The following C20orf141 variants were observed in gnomAD, a reference collection of about 807,000 sequenced individuals.
C20orf141 encodes the protein uncharacterized protein C20orf141.
In C20orf141, 8 loss-of-function variants were observed where a neutral mutation model predicts 7.8. The observed-to-expected ratio is 1.03, with a 90% CI of 0.60 to 1.85. The LOEUF (loss-of-function observed/expected upper bound fraction) is 1.85, where lower values mean the gene tolerates loss of function less well. C20orf141 is among the 40% of genes most tolerant of loss of function. C20orf141 has a pLI of 0.00. For missense variants in C20orf141, 220 were observed against 203.1 expected (o/e 1.08, Z -0.51); for synonymous variants, 101 against 90.8 (o/e 1.11, Z -0.64).
Position 2,815,249 on chromosome 20 carries a change from G to A in C20orf141, c.65G>A (p.Gly22Asp). ...GATCCGATCCCAGTTCCTCCAAGGG[G>A]CCTGGGTGCTGGGGAGGGGTCAGGT... ...REDPIPVPPR[G>D]LGAGEGSGSP... Residue 22 changes from glycine to aspartate, a missense_variant, in exon 2 of 3, where the codon GGC (glycine) becomes GAC (aspartate). Physicochemically the swap from Gly to Asp is moderately conservative, Grantham distance 94. Transcript: ENST00000603872. 6.2e-7 allele frequency: 1 copy of A among 1,614,084 alleles called. No individual in the cohort carries two copies.
At position 2,815,267 on chromosome 20, in the gene C20orf141, G is replaced by T; in HGVS notation, c.83G>T (p.Gly28Val). The change falls in exon 2 of 3, where the codon GGG (glycine) becomes GTG (valine). Residue 28 changes from glycine (G) to valine (V), a missense_variant. Coordinates refer to ENST00000603872, the MANE Select transcript of C20orf141 (RefSeq NM_001256538.2). The stretch of plus-strand genomic sequence containing the variant: ...CCAAGGGGCCTGGGTGCTGGGGAGG[G>T]GTCAGGTAGTCCAGTGCGTCCACCT... ...VPPRGLGAGE[G>V]SGSPVRPPVS... 2 of 1,613,958 alleles carry T rather than the reference G, an allele frequency of 1.2e-6. No individual in the cohort carries two copies. Among genetic ancestry groups the T allele is most frequent in the South Asian group, 2.2e-5 (2 of 91,068 alleles).
intron 1 of C20orf141, 25 bp downstream of exon 1, chr20:2,815,042 A>C: frequency 1.9e-6 from 2 of 1,039,752 alleles, no homozygotes; most frequent in Non-Finnish European, 2.8e-6. Context: ...CTGGGTGGGT[A>C]TGGGGGAGGG....
chr20:2,815,374 G>A lies in C20orf141; in HGVS notation c.190G>A (p.Val64Ile), dbSNP rs1431381358. ...GGCACTAGGACTGACAATCCAGGCAGTCTTTTCCACCACTGGCCCAGCCCT... is the reference window on the plus strand; with the variant it reads ...GGCACTAGGACTGACAATCCAGGCAATCTTTTCCACCACTGGCCCAGCCCT... ...LGALGLTIQA[V>I]FSTTGPALLL... Residue 64 changes from valine to isoleucine, a missense_variant, in exon 2 of 3, where the codon GTC (valine) becomes ATC (isoleucine). Val to Ile is a conservative substitution (Grantham distance 29, BLOSUM62 3). Transcript: ENST00000603872. 1.3e-6 allele frequency: 2 copies of A among 1,586,246 alleles called. No homozygotes were observed. Among genetic ancestry groups the A allele is most frequent in the South Asian group, 2.3e-5 (2 of 87,282 alleles).
At position 2,815,052 on chromosome 20, in the gene C20orf141, G is replaced by T; in HGVS notation, c.-34+35G>T. The T allele has an allele frequency of 4.3e-6, 5 of 1,165,428 alleles. No homozygotes were observed. In the South Asian group the frequency reaches 7.2e-5, roughly 17 times the overall value. 72.2% of individuals were successfully genotyped at this position (1,165,428 alleles called of 1,614,324 possible). A position where few individuals can be genotyped will look rare whatever the true frequency, so the allele number is the denominator to read the frequency against. On this transcript the variant is annotated intron_variant, in intron 1 of 2. Coordinates refer to ENST00000603872, the MANE Select transcript of C20orf141 (RefSeq NM_001256538.2). ...GTTTGCTGGGTGGGTATGGGGGAGG[G>T]GGAGACTCTGCAGGAGCCTAATTCC...
At chr20:2,815,065 G>A (rs2088650241) in intron 1 of C20orf141, 48 bp downstream of exon 1, 4 of 1,278,508 alleles carry the variant, frequency 3.1e-6, no homozygotes, top group Admixed American at 4.0e-5. Flanking sequence ...AGACTCTGCA[G>A]GAGCCTAATT....
chr20:2,815,376 C>A lies in C20orf141; in HGVS notation c.192C>A (p.Val64=), dbSNP rs1437202384. 2 of 1,585,014 alleles carry A rather than the reference C, an allele frequency of 1.3e-6. No homozygotes were observed. The highest frequency in any genetic ancestry group is 1.7e-6 in the Non-Finnish European group (2 of 1,163,006). ...CACTAGGACTGACAATCCAGGCAGT[C>A]TTTTCCACCACTGGCCCAGCCCTGC... ...LGALGLTIQA[V]FSTTGPALLL... Residue 64 remains valine (V), a synonymous_variant, in exon 2 of 3, where the codon GTC becomes GTA. Transcript: ENST00000603872.
Position 2,815,192 on chromosome 20 carries a change from G to A in C20orf141, c.8G>A (p.Arg3Gln), listed in dbSNP as rs149402527. 625 of 1,613,942 alleles carry A rather than the reference G, an allele frequency of 3.9e-4. 2 individuals are homozygous for A. Among genetic ancestry groups the A allele is most frequent in the African/African-American group, 7.6e-4 (57 of 74,980 alleles). Residue 3 changes from arginine (R) to glutamine (Q), a missense_variant, in exon 2 of 3, where the codon CGG (arginine) becomes CAG (glutamine). Physicochemically the swap from Arg to Gln is conservative, Grantham distance 43. Transcript: ENST00000603872. MT[R>Q]LCLPRPEARE... ...TCACCTCCACCTCTCTCCATGACCC[G>A]GCTCTGCTTACCCAGACCCGAAGCA...
rs746016551 is a variant in C20orf141 at position 2,815,274 on chromosome 20, T to G, written c.90T>G (p.Gly30=). The change falls in exon 2 of 3, where the codon GGT becomes GGG. Residue 30 remains glycine (G), a synonymous_variant. Transcript: ENST00000603872. ...PRGLGAGEGS[G]SPVRPPVSTW... is the part of the protein sequence containing the mutation. ...GCCTGGGTGCTGGGGAGGGGTCAGG[T>G]AGTCCAGTGCGTCCACCTGTATCCA... 1 of 1,613,758 alleles carries G rather than the reference T, an allele frequency of 6.2e-7. No individual in the cohort carries two copies.
At position 2,815,345 on chromosome 20, in the gene C20orf141, TG is replaced by T; in HGVS notation, c.166del (p.Ala56HisfsTer2). 1 of 1,601,092 alleles carries T rather than the reference TG, an allele frequency of 6.2e-7. No homozygotes were observed. The highest frequency in any genetic ancestry group is 1.7e-5 in the Admixed American group (1 of 58,810). On this transcript the variant is annotated frameshift_variant, in exon 2 of 3. Coordinates refer to ENST00000603872, the MANE Select transcript of C20orf141 (RefSeq NM_001256538.2). LOFTEE classifies it high-confidence loss of function. ...CAGCTCCTGGACAGTGTCCTATGGCTGGGGGCACTAGGACTGACAATCCAGG... is the reference window on the plus strand; with the variant it reads ...CAGCTCCTGGACAGTGTCCTATGGCTGGGGCACTAGGACTGACAATCCAGG... ...WAQLLDSVLW[L>X]GALGLTIQAV...
Position 2,815,314 on chromosome 20 carries a change from T to C in C20orf141, c.130T>C (p.Trp44Arg). 6.2e-7 allele frequency: 1 copy of C among 1,609,800 alleles called. No individual in the cohort carries two copies. The highest frequency in any genetic ancestry group is 8.5e-7 in the Non-Finnish European group (1 of 1,177,508). ...ACCTGTATCCACCTGGGGCCCTAGC[T>C]GGGCCCAGCTCCTGGACAGTGTCCT... ...RPPVSTWGPS[W>R]AQLLDSVLWL... Residue 44 changes from tryptophan (W) to arginine (R), a missense_variant, in exon 2 of 3, where the codon TGG (tryptophan) becomes CGG (arginine). Physicochemically the swap from Trp to Arg is moderately radical, Grantham distance 101. Transcript: ENST00000603872.
In C20orf141 at chr20:2,815,674, G is replaced by A. The variant is rs145477107; in HGVS notation, c.397G>A (p.Ala133Thr). 4.2e-5 allele frequency: 67 copies of A among 1,613,956 alleles called. 1 individual carries two copies. The South Asian group carries it at 5.6e-4, about 13-fold the overall frequency. The change falls in exon 3 of 3, where the codon GCA (alanine) becomes ACA (threonine). Residue 133 changes from alanine to threonine, a missense_variant. By Grantham distance (58) the Ala-to-Thr change is moderately conservative. Transcript: ENST00000603872. ...TVSGQLSLQD[A>T]LLLLLMGLGP... ...CTCAGGACAACTTAGCCTCCAGGAC[G>A]CACTGCTGCTGCTGCTCATGGGGCT...
chr20:2,815,123 C>T lies in C20orf141; in HGVS notation c.-33-29C>T, dbSNP rs1313435325. ...TGTCTGCCCGGGCCCTACCCCTTCC[C>T]CTACTCTCACCCTTATAATCCTTTT... On this transcript the variant is annotated intron_variant, in intron 1 of 2. Coordinates refer to ENST00000603872, the MANE Select transcript of C20orf141 (RefSeq NM_001256538.2). 5.0e-6 allele frequency: 8 copies of T among 1,591,788 alleles called. No individual in the cohort carries two copies. In the African/African-American group the frequency reaches 8.0e-5, roughly 16 times the overall value.
Position 2,815,806 on chromosome 20 carries a change from A to G in C20orf141, c.*31A>G, listed in dbSNP as rs1407005156. On this transcript the variant is annotated 3_prime_UTR_variant, in exon 3 of 3. Coordinates refer to ENST00000603872, the MANE Select transcript of C20orf141 (RefSeq NM_001256538.2). Reference sequence around the variant, plus strand: ...CCTCCCCACAACTCAGTGTCCTTCAAATATACAATGACCACCCTTCTTCAT... The same window carrying G: ...CCTCCCCACAACTCAGTGTCCTTCAGATATACAATGACCACCCTTCTTCAT... 1.3e-6 allele frequency: 2 copies of G among 1,561,236 alleles called. No homozygotes were observed. Among genetic ancestry groups the G allele is most frequent in the Non-Finnish European group, 1.7e-6 (2 of 1,144,474 alleles).
In C20orf141 at chr20:2,815,546, G is replaced by T; in HGVS notation, c.269G>T (p.Gly90Val). 1 of 1,612,288 alleles carries T rather than the reference G, an allele frequency of 6.2e-7. No homozygotes were observed. The highest frequency in any genetic ancestry group is 2.2e-5 in the East Asian group (1 of 44,830). ...LTFDLLHRPA[G>V]HTLPQRKLLT... is the part of the protein sequence containing the mutation. Reference sequence around the variant, plus strand: ...ACCCTCTCTCTCCACAGGCCCGCAGGTCACACTCTGCCACAGCGCAAACTT... The same window carrying T: ...ACCCTCTCTCTCCACAGGCCCGCAGTTCACACTCTGCCACAGCGCAAACTT... Residue 90 changes from glycine (G) to valine (V), a missense_variant, in exon 3 of 3, where the codon GGT (glycine) becomes GTT (valine). Physicochemically the swap from Gly to Val is moderately radical, Grantham distance 109. Transcript: ENST00000603872.
In C20orf141 at chr20:2,815,226, T is replaced by C; in HGVS notation, c.42T>C (p.Asp14=). The C allele has an allele frequency of 6.2e-7, 1 of 1,614,012 alleles. No homozygotes were observed. Among genetic ancestry groups the C allele is most frequent in the Non-Finnish European group, 8.5e-7 (1 of 1,179,968 alleles). Residue 14 remains aspartate (D), a synonymous_variant, in exon 2 of 3, where the codon GAT becomes GAC. Coordinates refer to ENST00000603872, the MANE Select transcript of C20orf141 (RefSeq NM_001256538.2). ...TACCCAGACCCGAAGCACGTGAGGA[T>C]CCGATCCCAGTTCCTCCAAGGGGCC... The part of the protein sequence containing the change: ...LCLPRPEARE[D]PIPVPPRGLG...
At chr20:2,815,478 T>C (rs528790432) in intron 2 of C20orf141, 34 bp downstream of exon 2, 1 of 1,564,520 alleles carries the variant, frequency 6.4e-7, no homozygotes, top group East Asian at 2.3e-5. Flanking sequence ...GTGGGCATTG[T>C]AGGCGGGCGG....
At position 2,815,759 on chromosome 20, in the gene C20orf141, T is replaced by C; in HGVS notation, c.482T>C (p.Leu161Pro). The change falls in exon 3 of 3, where the codon CTC (leucine) becomes CCC (proline). Residue 161 changes from leucine to proline, a missense_variant. Physicochemically the swap from Leu to Pro is moderately conservative, Grantham distance 98 (BLOSUM62 -3). Transcript: ENST00000603872. ...ACCCTGCTTGGCCTGGCTTTCTGCC[T>C]CCATCCTTGGGCCTGAGAGCCCCTC... ...PLTLLGLAFCLHPWA is the reference protein window; with the variant it reads ...PLTLLGLAFCPHPWA The C allele has an allele frequency of 6.2e-7, 1 of 1,611,506 alleles. No individual in the cohort carries two copies. Among genetic ancestry groups the C allele is most frequent in the African/African-American group, 1.3e-5 (1 of 75,010 alleles).
Position 2,815,212 on chromosome 20 carries a change from G to A in C20orf141, c.28G>A (p.Glu10Lys), listed in dbSNP as rs765504886. 31 of 1,613,830 alleles carry A rather than the reference G, an allele frequency of 1.9e-5. No homozygotes were observed. In the East Asian group the frequency reaches 4.5e-4, roughly 23 times the overall value. The change falls in exon 2 of 3, where the codon GAA (glutamate) becomes AAA (lysine). Residue 10 changes from glutamate to lysine, a missense_variant. By Grantham distance (56) the Glu-to-Lys change is moderately conservative. Coordinates refer to ENST00000603872, the MANE Select transcript of C20orf141 (RefSeq NM_001256538.2). ...GACCCGGCTCTGCTTACCCAGACCC[G>A]AAGCACGTGAGGATCCGATCCCAGT... MTRLCLPRP[E>K]AREDPIPVPP...
At chr20:2,815,501 C>T (rs376393300) in intron 2 of C20orf141, 37 bp from the exon 3 acceptor site, 50 of 1,574,994 alleles carry the variant, frequency 3.2e-5, no homozygotes, top group Non-Finnish European at 4.1e-5. Context: ...CAGTGGACAA[C>T]TTCCCTAAGC....
Sources: allele counts gnomAD v4.1 joint callset, GRCh38; gene constraint gnomAD v4.1.1; transcripts MANE v1.5; gene names NCBI Gene and HGNC (gene_info 2026-07-23, HGNC 2026-07-21).